Variants in CTNNA3 observed in about 807,000 individuals in gnomAD.
The protein encoded by CTNNA3 is catenin alpha-3.
Under a neutral mutation model 95.7 loss-of-function variants are expected in CTNNA3, and 76 were observed. The ratio of observed to expected loss-of-function variants is 0.79; its 90% CI spans 0.66 to 0.96. The LOEUF (loss-of-function observed/expected upper bound fraction) is 0.96, where lower values mean the gene tolerates loss of function less well. Ranked by LOEUF, CTNNA3 falls within the 40% of genes least tolerant of loss-of-function variation. The probability of loss-of-function intolerance (pLI) is 0.00; values close to 1 mark genes in which losing one functional copy is unlikely to be tolerated. For synonymous variants in CTNNA3, 431 were observed against 374.4 expected, an observed-to-expected ratio of 1.15 and a Z score of -1.74; for missense variants, 1,191 against 1,089.8, an observed-to-expected ratio of 1.09 and a Z score of -1.31.
rs201326026 is a variant in CTNNA3 at position 66,106,337 on chromosome 10, T to TTGTGTGTG, written c.1885-3096_1885-3089dup. Among the ~76,000 whole-genome samples the TTGTGTGTG allele has an allele frequency of 2.7e-3, 390 of 145,542 alleles. 1 individual carries two copies. Among genetic ancestry groups the TTGTGTGTG allele is most frequent in the African/African-American group, 5.1e-3 (198 of 38,950 alleles). On this transcript the variant is annotated intron_variant, in intron 13 of 17. Coordinates refer to ENST00000433211, the MANE Select transcript of CTNNA3 (RefSeq NM_013266.4). ...CTGGAAGTTTTGTGTGTGTGTGTGT[T>TTGTGTGTG]TGTGTGTGTGTGTGTGTGTGTGTGT... is the stretch of plus-strand genomic sequence containing the variant.
intron 10 of CTNNA3, among the ~76,000 whole-genome samples, chr10:66,602,838 C>CA (rs1376902898): frequency 6.6e-6 from 1 of 151,994 alleles, no homozygotes; most frequent in Non-Finnish European, 1.5e-5. Flanking sequence ...GAATCAAGGA[C>CA]AAAAACCCTA....
At chr10:67,714,526 C>G (rs750203601) in intron 1 of CTNNA3, among the ~76,000 whole-genome samples, 2 of 152,208 alleles carry the variant, frequency 1.3e-5, no homozygotes. Context: ...GAGTAACTAA[C>G]TTGCTTTTGA....
intron 16 of CTNNA3, among the ~76,000 whole-genome samples, chr10:65,974,655 T>C (rs2078176112): frequency 6.6e-6 from 1 of 152,126 alleles, no homozygotes; most frequent in African/African-American, 2.4e-5. Flanking sequence ...GCTCACTACC[T>C]GGGTGATTGC....
At chr10:66,469,987 T>A (rs72791567) in intron 11 of CTNNA3, among the ~76,000 whole-genome samples, 2,251 of 152,000 alleles carry the variant, frequency 0.015, 30 homozygotes, top group Non-Finnish European at 0.026. Context: ...AAATTTTGTT[T>A]AAGTGAGGGA....
chr10:66,786,147 T>A (rs1840730670), intron 7 of CTNNA3, among the ~76,000 whole-genome samples: 1 of 152,130 alleles, frequency 6.6e-6, no homozygotes, highest in South Asian at 2.1e-4. Flanking sequence ...CAGAGCTCCC[T>A]GTAGTTGCAG....
chr10:67,376,638 GTT>G (rs1843700473), intron 5 of CTNNA3, among the ~76,000 whole-genome samples: 1 of 152,142 alleles, frequency 6.6e-6, no homozygotes, highest in South Asian at 2.1e-4. Context: ...TCAGCTTTAT[GTT>G]ATGCTATGGT....
At chr10:66,308,652 C>A (rs1253674396) in intron 12 of CTNNA3, among the ~76,000 whole-genome samples, 1 of 152,126 alleles carries the variant, frequency 6.6e-6, no homozygotes, top group Non-Finnish European at 1.5e-5. Context: ...GATATACTTA[C>A]ATATATTTAA....
intron 11 of CTNNA3, among the ~76,000 whole-genome samples, chr10:66,435,063 AT>A (rs1317357205): frequency 6.6e-6 from 1 of 151,474 alleles, no homozygotes; most frequent in Non-Finnish European, 1.5e-5. Flanking sequence ...TTTATTGAGA[AT>A]TTTCACATCG....
chr10:67,570,006 C>T (rs565718821), intron 3 of CTNNA3, among the ~76,000 whole-genome samples: 1 of 152,106 alleles, frequency 6.6e-6, no homozygotes, highest in African/African-American at 2.4e-5. Context: ...TTACAACTGG[C>T]AAATATTCAA....
chr10:66,077,319 A>G (rs552070366), intron 14 of CTNNA3, among the ~76,000 whole-genome samples: 1 of 151,934 alleles, frequency 6.6e-6, no homozygotes, highest in Non-Finnish European at 1.5e-5. Flanking sequence ...TTCACAATAA[A>G]AAATGAAACA....
chr10:67,014,198 G>A (rs1852513835), intron 7 of CTNNA3, among the ~76,000 whole-genome samples: 1 of 152,142 alleles, frequency 6.6e-6, no homozygotes, highest in South Asian at 2.1e-4. Flanking sequence ...ATGCTTTAGT[G>A]CTTCACAGGT....
chr10:67,477,613 G>T (rs1294643602), intron 5 of CTNNA3, among the ~76,000 whole-genome samples: 1 of 152,170 alleles, frequency 6.6e-6, no homozygotes, highest in East Asian at 1.9e-4. Context: ...ATTGTCTACA[G>T]TCACACTTCC....
At chr10:65,993,951 G>A (rs895465761) in intron 15 of CTNNA3, among the ~76,000 whole-genome samples, 3 of 152,070 alleles carry the variant, frequency 2.0e-5, no homozygotes, top group Admixed American at 1.3e-4. Flanking sequence ...GGCCAGACTG[G>A]TCTTGAACTC....
chr10:67,459,504 A>AT (rs1169663375), intron 5 of CTNNA3, among the ~76,000 whole-genome samples: 8 of 152,158 alleles, frequency 5.3e-5, no homozygotes, highest in Non-Finnish European at 8.8e-5. Context: ...CAAGCCATGT[A>AT]TTTTTTCTTT....
intron 11 of CTNNA3, among the ~76,000 whole-genome samples, chr10:66,418,990 AT>A (rs2093169166): frequency 1.3e-5 from 2 of 152,098 alleles, no homozygotes; most frequent in African/African-American, 4.8e-5. Flanking sequence ...TACTTCCACC[AT>A]TCCTAATCAA....
intron 9 of CTNNA3, among the ~76,000 whole-genome samples, chr10:66,753,118 G>A (rs1310893116): frequency 6.6e-6 from 1 of 152,042 alleles, no homozygotes; most frequent in African/African-American, 2.4e-5. Flanking sequence ...CCCAATTCAA[G>A]CCTGGACTAA....
chr10:67,293,289 T>G (rs1289543400), intron 5 of CTNNA3, among the ~76,000 whole-genome samples: 1 of 152,148 alleles, frequency 6.6e-6, no homozygotes, highest in Non-Finnish European at 1.5e-5. Flanking sequence ...CTATAAAGCT[T>G]ACAGATAAAA....
At chr10:67,329,110 G>A (rs964195582) in intron 5 of CTNNA3, among the ~76,000 whole-genome samples, 1 of 152,148 alleles carries the variant, frequency 6.6e-6, no homozygotes, top group African/African-American at 2.4e-5. Flanking sequence ...AAGGGCTCAT[G>A]CCTATAATCC....
At chr10:67,533,082 G>T (rs936323550) in intron 4 of CTNNA3, among the ~76,000 whole-genome samples, 3 of 152,152 alleles carry the variant, frequency 2.0e-5, no homozygotes, top group African/African-American at 7.2e-5. Flanking sequence ...CCAGCACTTT[G>T]GGAGGCCAAG....
Sources: gnomAD v4.1 joint callset for allele counts (sites outside exome capture counted in the v4.1 genomes callset) on GRCh38, gnomAD v4.1.1 for gene constraint, MANE v1.5 for transcripts, NCBI Gene and HGNC (gene_info 2026-07-23, HGNC 2026-07-21) for gene names.